Variants in LDB2 observed in about 807,000 individuals in gnomAD.
LDB2 encodes LIM domain-binding protein 2.
In LDB2, 12 loss-of-function variants were observed where a neutral mutation model predicts 44.3. The ratio of observed to expected loss-of-function variants is 0.27; its 90% CI spans 0.17 to 0.44. LDB2 has a LOEUF of 0.44. Among genes scored for constraint, LDB2 ranks in the 20% least tolerant of loss-of-function variants. LDB2 has a pLI of 1.00. For missense variants in LDB2, 344 were observed against 473.5 expected (o/e 0.73, Z 2.54); for synonymous variants, 164 against 174.8 (o/e 0.94, Z 0.49).
intron 1 of LDB2, among the ~76,000 whole-genome samples, chr4:16,847,699 C>T (rs1173866540): frequency 6.6e-6 from 1 of 152,204 alleles, no homozygotes; most frequent in East Asian, 1.9e-4. Context: ...TCATTGCAAG[C>T]TCCGCCTCCA....
chr4:16,658,247 G>T (rs778074679), intron 2 of LDB2, among the ~76,000 whole-genome samples: 12 of 152,148 alleles, frequency 7.9e-5, no homozygotes, highest in Non-Finnish European at 1.3e-4. Flanking sequence ...TCCACAGTAA[G>T]AATTCAATAA....
intron 5 of LDB2, among the ~76,000 whole-genome samples, chr4:16,577,414 A>G (rs1712117899): frequency 6.6e-6 from 1 of 152,170 alleles, no homozygotes. Context: ...AGTCAGTCCC[A>G]CTTTTCTATG....
intron 1 of LDB2, among the ~76,000 whole-genome samples, chr4:16,863,722 G>A (rs1290903183): frequency 1.4e-5 from 2 of 148,134 alleles, no homozygotes; most frequent in South Asian, 2.1e-4. Flanking sequence ...GCGCAGTGGC[G>A]CGATCTCGGC....
chr4:16,633,749 C>T (rs990510482), intron 2 of LDB2, among the ~76,000 whole-genome samples: 31 of 152,220 alleles, frequency 2.0e-4, no homozygotes, highest in African/African-American at 5.8e-4. Context: ...CTTCACAGAA[C>T]TGGAAAAAAC....
rs78736701 is a variant in LDB2, at chr4:16,713,289, C to T, written c.235+45869G>A. On this transcript the variant is annotated intron_variant, in intron 2 of 7. Coordinates refer to ENST00000304523, the MANE Select transcript of LDB2 (RefSeq NM_001290.5). ...CTAGTTGCACAACTCTGTAAATATG[C>T]TAACAAAATTTATTTAATTGTACAC... Among the ~76,000 whole-genome samples the T allele has an allele frequency of 5.9e-4, 89 of 152,068 alleles. 2 individuals are homozygous for T. In the East Asian group the frequency reaches 0.012, roughly 20 times the overall value.
At chr4:16,658,404 T>C (rs1740531646) in intron 2 of LDB2, among the ~76,000 whole-genome samples, 1 of 152,206 alleles carries the variant, frequency 6.6e-6, no homozygotes, top group African/African-American at 2.4e-5. Flanking sequence ...GCATCGTGGC[T>C]AAAACCTTAA....
chr4:16,726,459 A>G (rs1759485559), intron 2 of LDB2: 1 of 152,138 alleles, frequency 6.6e-6, no homozygotes, highest in Admixed American at 6.6e-5. Context: ...ATATTTTAGT[A>G]CATGCAAAAT....
chr4:16,551,658 T>C (rs1737720209), intron 5 of LDB2, among the ~76,000 whole-genome samples: 1 of 151,966 alleles, frequency 6.6e-6, no homozygotes, highest in Non-Finnish European at 1.5e-5. Flanking sequence ...GCTGGGATTA[T>C]AGGCGCCTGC....
chr4:16,704,388 T>C (rs941245250), intron 2 of LDB2, among the ~76,000 whole-genome samples: 1 of 152,236 alleles, frequency 6.6e-6, no homozygotes, highest in African/African-American at 2.4e-5. Flanking sequence ...AGAAGGAAGG[T>C]TTAACTACTA....
intron 5 of LDB2, among the ~76,000 whole-genome samples, chr4:16,566,554 C>A (rs1399997024): frequency 6.6e-6 from 1 of 151,956 alleles, no homozygotes; most frequent in African/African-American, 2.4e-5. Flanking sequence ...AGAAAAAAAT[C>A]ACCCCATTTT....
At chr4:16,745,224 G>A (rs1342494530) in intron 2 of LDB2, among the ~76,000 whole-genome samples, 8 of 151,968 alleles carry the variant, frequency 5.3e-5, no homozygotes, top group African/African-American at 1.9e-4. Context: ...GAACAAGGCA[G>A]GCAGAAGGCC....
In LDB2 at chr4:16,533,948, A is replaced by C. The variant is rs1275109507; in HGVS notation, c.616-21844T>G. Among the ~76,000 whole-genome samples the C allele has an allele frequency of 1.3e-5, 2 of 152,222 alleles. No homozygotes were observed. The highest frequency in any genetic ancestry group is 3.8e-4 in the East Asian group (2 of 5,204). ...TAATAATACTCTAAACCACATTCAT[A>C]ATAATATAATTAGCAATACAATTCA... On this transcript the variant is annotated intron_variant, in intron 5 of 7. Transcript: ENST00000304523. The surrounding 1 kb of genome is among the most constrained non-coding windows in gnomAD (Gnocchi z 4.1).
intron 1 of LDB2, among the ~76,000 whole-genome samples, chr4:16,769,679 G>T (rs566560547): frequency 1.4e-5 from 2 of 146,148 alleles, no homozygotes; most frequent in Admixed American, 1.4e-4. Flanking sequence ...ACTGTGATTT[G>T]CTCATTCTCA....
intron 5 of LDB2, among the ~76,000 whole-genome samples, chr4:16,518,656 A>G (rs937747275): frequency 1.3e-5 from 2 of 152,132 alleles, no homozygotes; most frequent in Admixed American, 6.6e-5. Context: ...AAAAATACTC[A>G]CTATCTTGTC....
intron 2 of LDB2, among the ~76,000 whole-genome samples, chr4:16,682,399 C>G (rs1479312163): frequency 6.6e-6 from 1 of 152,230 alleles, no homozygotes; most frequent in East Asian, 1.9e-4. Flanking sequence ...GCTCCTCCCT[C>G]ATTTACCAAC....
chr4:16,783,743 C>G (rs1773811994), intron 1 of LDB2, among the ~76,000 whole-genome samples: 1 of 152,150 alleles, frequency 6.6e-6, no homozygotes, highest in Non-Finnish European at 1.5e-5. Context: ...TTCCTCATGG[C>G]CAAAGTGCCC....
chr4:16,510,386 A>C (rs1266856070), intron 6 of LDB2, among the ~76,000 whole-genome samples: 2 of 152,220 alleles, frequency 1.3e-5, no homozygotes, highest in African/African-American at 4.8e-5. Flanking sequence ...GGAACAGGAT[A>C]TAGAACTGTT....
intron 2 of LDB2, among the ~76,000 whole-genome samples, chr4:16,706,397 C>T (rs1028900021): frequency 3.3e-5 from 5 of 152,156 alleles, no homozygotes; most frequent in Admixed American, 6.6e-5. Context: ...AAGAAAGTGG[C>T]CATTTGCAAG....
chr4:16,675,678 C>T (rs143020725), intron 2 of LDB2, among the ~76,000 whole-genome samples: 42 of 152,136 alleles, frequency 2.8e-4, no homozygotes, highest in African/African-American at 8.4e-4. Flanking sequence ...CAAAGTCACT[C>T]GTACCTTTAA....
Sources: allele counts gnomAD v4.1 joint callset (sites outside exome capture counted in the v4.1 genomes callset), GRCh38; gene constraint gnomAD v4.1.1; non-coding constraint Gnocchi (gnomAD v3.1); transcripts MANE v1.5; gene names NCBI Gene and HGNC (gene_info 2026-07-23, HGNC 2026-07-21).